The following HNF4G variants were observed in gnomAD, a reference collection of about 807,000 sequenced individuals.
The protein encoded by HNF4G is hepatocyte nuclear factor 4 gamma.
In HNF4G, 21 loss-of-function variants were observed where a neutral mutation model predicts 50.9. The ratio of observed to expected loss-of-function variants is 0.41; its 90% confidence interval spans 0.29 to 0.59. The LOEUF (loss-of-function observed/expected upper bound fraction) is 0.59, where lower values mean the gene tolerates loss of function less well. Ranked by LOEUF, HNF4G falls within the 20% of genes least tolerant of loss-of-function variation. The pLI is 0.26. For missense variants in HNF4G, 527 were observed against 559.4 expected, an observed-to-expected ratio of 0.94 and a Z score of 0.58; for synonymous variants, 198 against 185.6, an observed-to-expected ratio of 1.07 and a Z score of -0.54.
chr8:75,523,242 A>C (rs571299080), intron 2 of HNF4G, among the ~76,000 whole-genome samples: 17 of 152,114 alleles, frequency 1.1e-4, no homozygotes, highest in African/African-American at 3.1e-4. Context: ...GAAAAAAAAG[A>C]AAGACAATTT....
intron 1 of HNF4G, among the ~76,000 whole-genome samples, chr8:75,420,821 C>G (rs72658084): frequency 6.6e-6 from 1 of 151,990 alleles, no homozygotes; most frequent in Non-Finnish European, 1.5e-5. Context: ...ATTAGGATGC[C>G]GAGTATTTAA....
intron 1 of HNF4G, among the ~76,000 whole-genome samples, chr8:75,428,627 C>G (rs1243165804): frequency 1.3e-5 from 2 of 151,684 alleles, no homozygotes; most frequent in Non-Finnish European, 2.9e-5. Flanking sequence ...ACTTAGAAAA[C>G]AAAGGAAAAA....
intron 1 of HNF4G, among the ~76,000 whole-genome samples, chr8:75,451,326 C>T (rs113288007): frequency 1.5e-4 from 23 of 151,858 alleles, no homozygotes; most frequent in African/African-American, 3.6e-4. Flanking sequence ...GGCTGTGCAG[C>T]GCTTTTTAGT....
intron 2 of HNF4G, among the ~76,000 whole-genome samples, chr8:75,533,843 A>G (rs1156323820): frequency 2.0e-5 from 3 of 151,920 alleles, no homozygotes; most frequent in Non-Finnish European, 2.9e-5. Context: ...AATTTTGAGC[A>G]GTTCTTGACT....
chr8:75,450,154 A>G (rs925738748), intron 1 of HNF4G, among the ~76,000 whole-genome samples: 4 of 152,164 alleles, frequency 2.6e-5, no homozygotes, highest in Non-Finnish European at 5.9e-5. Flanking sequence ...AATGTCCTCC[A>G]GGTTCACCCA....
intron 5 of HNF4G, 60 bp downstream of exon 5, chr8:75,553,257 T>C: frequency 7.3e-7 from 1 of 1,375,594 alleles, no homozygotes; most frequent in Middle Eastern, 1.9e-4. Flanking sequence ...GCTAAGTTTA[T>C]GTTCTTTCCA....
chr8:75,543,744 ATTAGTAGGACAAT>A, intron 1 of HNF4G, 54 bp from the exon 2 acceptor site: 4 of 1,350,506 alleles, frequency 3.0e-6, no homozygotes, highest in Non-Finnish European at 4.1e-6. Flanking sequence ...CCTATAAATA[ATTAGTAGGACAAT>A]TTAGTCAGGA....
At chr8:75,482,171 T>G (rs1812395680) in intron 1 of HNF4G, among the ~76,000 whole-genome samples, 1 of 152,144 alleles carries the variant, frequency 6.6e-6, no homozygotes, top group Non-Finnish European at 1.5e-5. Flanking sequence ...GCAGTGTAAA[T>G]GCCTTCCTGA....
chr8:75,462,744 G>A (rs575006386), intron 1 of HNF4G, among the ~76,000 whole-genome samples: 33 of 152,142 alleles, frequency 2.2e-4, no homozygotes, highest in African/African-American at 7.7e-4. Flanking sequence ...AAAAATTCTG[G>A]CTTCATCATT....
At chr8:75,455,461 G>A (rs373189775) in intron 1 of HNF4G, among the ~76,000 whole-genome samples, 1 of 152,164 alleles carries the variant, frequency 6.6e-6, no homozygotes, top group African/African-American at 2.4e-5. Context: ...AATGTGGTGA[G>A]TAATGTTTAG....
At chr8:75,546,736 G>C (rs1362432122) in intron 2 of HNF4G, among the ~76,000 whole-genome samples, 3 of 152,062 alleles carry the variant, frequency 2.0e-5, no homozygotes, top group Non-Finnish European at 4.4e-5. Flanking sequence ...AAATTCCACT[G>C]TGCAGTCATG....
At chr8:75,496,491 C>G (rs893106931) in intron 2 of HNF4G, among the ~76,000 whole-genome samples, 3 of 151,970 alleles carry the variant, frequency 2.0e-5, no homozygotes. Context: ...CAGTTTTTCT[C>G]AGGGCATTTT....
At chr8:75,557,055 A>G (rs1344139926) in intron 6 of HNF4G, among the ~76,000 whole-genome samples, 2 of 152,170 alleles carry the variant, frequency 1.3e-5, no homozygotes, top group Non-Finnish European at 2.9e-5. Flanking sequence ...TGTGGAGACT[A>G]TGCCCTGAAA....
intron 1 of HNF4G, among the ~76,000 whole-genome samples, chr8:75,481,403 A>C (rs1442756380): frequency 7.2e-5 from 11 of 152,160 alleles, no homozygotes. Flanking sequence ...TTTATTTTTC[A>C]AGGTTCAACT....
chr8:75,454,985 A>G (rs1163144455), intron 1 of HNF4G, among the ~76,000 whole-genome samples: 5 of 152,186 alleles, frequency 3.3e-5, no homozygotes, highest in African/African-American at 1.2e-4. Context: ...GCATTTTGGA[A>G]GGAATGCTTG....
chr8:75,476,580 A>C (rs1447279725), intron 1 of HNF4G, among the ~76,000 whole-genome samples: 1 of 152,262 alleles, frequency 6.6e-6, no homozygotes, highest in Non-Finnish European at 1.5e-5. Context: ...ATTTGTGAGA[A>C]GATAACGTAA....
intron 1 of HNF4G, chr8:75,485,714 A>G (rs907040773): frequency 6.6e-6 from 1 of 152,172 alleles, no homozygotes; most frequent in South Asian, 2.1e-4. Context: ...AAACTCACCA[A>G]AGTAAAACAT....
chr8:75,538,591 C>A (rs1400938232), upstream of HNF4G, among the ~76,000 whole-genome samples: 1 of 152,110 alleles, frequency 6.6e-6, no homozygotes, highest in East Asian at 1.9e-4. Context: ...GACTACTTCA[C>A]GCAAATAAAA....
At chr8:75,523,325 T>G (rs1158376319) in intron 2 of HNF4G, among the ~76,000 whole-genome samples, 1 of 152,200 alleles carries the variant, frequency 6.6e-6, no homozygotes, top group African/African-American at 2.4e-5. Context: ...ATTAATTCCT[T>G]CTCTCTAAAT....
Sources: gnomAD v4.1 joint callset for allele counts (sites outside exome capture counted in the v4.1 genomes callset) on GRCh38, gnomAD v4.1.1 for gene constraint, MANE v1.5 for transcripts, NCBI Gene and HGNC (gene_info 2026-07-23, HGNC 2026-07-21) for gene names.